Variants in CLEC1A observed in about 807,000 individuals in gnomAD.
CLEC1A encodes C-type lectin domain family 1 member A.
CLEC1A carries 34 observed loss-of-function variants against 28.7 expected under a neutral mutation model. The observed-to-expected ratio is 1.18, with a 90% CI of 0.90 to 1.57. The LOEUF is 1.57. Ranked by LOEUF, CLEC1A falls within the 40% of genes most tolerant of loss-of-function variation. The pLI is 0.00. For missense variants in CLEC1A, 385 were observed against 339.5 expected (o/e 1.13, Z -1.05); for synonymous variants, 116 against 121.0 (o/e 0.96, Z 0.27).
intron 3 of CLEC1A, among the ~76,000 whole-genome samples, chr12:10,078,815 C>G (rs1004445112): frequency 1.3e-5 from 2 of 152,114 alleles, no homozygotes; most frequent in African/African-American, 4.8e-5. Context: ...AAGCAGATCC[C>G]TTATGAACAG....
intron 1 of CLEC1A, among the ~76,000 whole-genome samples, chr12:10,096,747 T>C (rs1003546412): frequency 1.3e-5 from 2 of 152,132 alleles, no homozygotes; most frequent in African/African-American, 2.4e-5. Flanking sequence ...CCTTCATGAC[T>C]TTCCCTTCAT....
rs543681485 is a variant in CLEC1A, at chr12:10,082,459, T to C, written c.215-1046A>G. Among the ~76,000 whole-genome samples, 3 of 152,196 alleles carry C rather than the reference T, an allele frequency of 2.0e-5. No individual in the cohort carries two copies. In the South Asian group the frequency reaches 6.2e-4, roughly 32 times the overall value. ...CTGTATGACACAGCAGAGGCAGCCA[T>C]AAAATCCTGAGAACCAACCCCCATC... is the stretch of plus-strand genomic sequence containing the variant. On this transcript the variant is annotated intron_variant, in intron 2 of 5. Transcript: ENST00000315330.
chr12:10,089,278 G>T, intron 1 of CLEC1A, 56 bp from the exon 2 acceptor site: 1 of 1,394,082 alleles, frequency 7.2e-7, no homozygotes, highest in Non-Finnish European at 1.0e-6. Context: ...TTGCATCTAA[G>T]TCAATAACAG....
chr12:10,088,542 C>T (rs976523641), intron 2 of CLEC1A, among the ~76,000 whole-genome samples: 1 of 133,920 alleles, frequency 7.5e-6, no homozygotes, highest in African/African-American at 2.7e-5. Context: ...CCTACTGAGG[C>T]AAATTCATCC....
chr12:10,075,236 A>G (rs2055928301), intron 4 of CLEC1A, among the ~76,000 whole-genome samples: 1 of 152,250 alleles, frequency 6.6e-6, no homozygotes, highest in South Asian at 2.1e-4. Context: ...ACAGGAAAGA[A>G]GTTAAGACAT....
intron 4 of CLEC1A, 71 bp downstream of exon 4, chr12:10,075,433 G>T: frequency 6.6e-7 from 1 of 1,504,164 alleles, no homozygotes; most frequent in Non-Finnish European, 9.1e-7. Flanking sequence ...GATCCTTAGA[G>T]TCTTCTTGCC....
At chr12:10,091,888 T>C (rs1454278087) in intron 1 of CLEC1A, among the ~76,000 whole-genome samples, 2 of 152,210 alleles carry the variant, frequency 1.3e-5, no homozygotes, top group African/African-American at 4.8e-5. Flanking sequence ...TTAGCTTATA[T>C]GTGTCTTACT....
intron 1 of CLEC1A, among the ~76,000 whole-genome samples, chr12:10,090,228 G>C (rs1367970848): frequency 1.3e-5 from 2 of 152,138 alleles, no homozygotes; most frequent in African/African-American, 4.8e-5. Flanking sequence ...GGGGCTTTTT[G>C]AAAGGAAAAT....
chr12:10,098,682 A>G, intron 1 of CLEC1A, 126 bp downstream of exon 1: 1 of 620,238 alleles, frequency 1.6e-6, no homozygotes, highest in South Asian at 2.3e-5. Context: ...CTACTATGTC[A>G]CAGGGCGAGT....
In CLEC1A at chr12:10,098,945, G is replaced by T; in HGVS notation, c.-23C>A. 1 of 1,571,894 alleles carries T rather than the reference G, an allele frequency of 6.4e-7. No individual in the cohort carries two copies. The highest frequency in any genetic ancestry group is 8.7e-7 in the Non-Finnish European group (1 of 1,147,404). ...CATCTGGATTCCTACAGCGGTGAGAGTGAAATGTGGTCGGATTGCCCTGGG... is the reference window on the plus strand; with the variant it reads ...CATCTGGATTCCTACAGCGGTGAGATTGAAATGTGGTCGGATTGCCCTGGG... On this transcript the variant is annotated 5_prime_UTR_variant, in exon 1 of 6. Transcript: ENST00000315330.
At chr12:10,089,313 A>G (rs1252361519) in intron 1 of CLEC1A, 91 bp from the exon 2 acceptor site, 1 of 1,019,648 alleles carries the variant, frequency 9.8e-7, no homozygotes, top group Non-Finnish European at 1.5e-6. Context: ...TTAATTCTGC[A>G]CAAGAACAAA....
At chr12:10,083,469 TTTTC>T (rs907140398) in intron 2 of CLEC1A, among the ~76,000 whole-genome samples, 71 of 152,222 alleles carry the variant, frequency 4.7e-4, no homozygotes, top group Admixed American at 2.1e-3. Context: ...TTATTTATGG[TTTTC>T]TTTCTTTCTT....
At chr12:10,081,517 C>T (rs1866371267) in intron 2 of CLEC1A, 104 bp from the exon 3 acceptor site, 1 of 870,940 alleles carries the variant, frequency 1.1e-6, no homozygotes, top group Non-Finnish European at 1.7e-6. Flanking sequence ...GTATCTCAGG[C>T]TCTGAGTTCT....
intron 3 of CLEC1A, among the ~76,000 whole-genome samples, chr12:10,077,212 T>A (rs1221842739): frequency 6.6e-6 from 1 of 152,188 alleles, no homozygotes; most frequent in African/African-American, 2.4e-5. Flanking sequence ...GAAACTTCTT[T>A]ACTTTCTTAA....
intron 2 of CLEC1A, among the ~76,000 whole-genome samples, chr12:10,083,561 C>T (rs955102289): frequency 4.6e-5 from 7 of 152,280 alleles, no homozygotes; most frequent in South Asian, 2.1e-4. Context: ...CTGGATCTAC[C>T]TCCCAGGTTC....
intron 3 of CLEC1A, among the ~76,000 whole-genome samples, chr12:10,079,164 G>A (rs1866314394): frequency 6.6e-6 from 1 of 152,180 alleles, no homozygotes; most frequent in Non-Finnish European, 1.5e-5. Flanking sequence ...TGGTCCATGA[G>A]AGTAGACATC....
rs1187108877 is a variant in CLEC1A, at chr12:10,070,347, ATCAGTAC to A, written c.*979_*985del. 6.6e-6 allele frequency: 1 copy of A among 152,218 alleles called. No homozygotes were observed. The highest frequency in any genetic ancestry group is 2.4e-5 in the African/African-American group (1 of 41,442). The allele number at this position is 152,218 out of a possible 1,614,324, so 9.4% of individuals were successfully genotyped here. A position where few individuals can be genotyped will look rare whatever the true frequency, so the allele number is the denominator to read the frequency against. On this transcript the variant is annotated 3_prime_UTR_variant, in exon 6 of 6. Transcript: ENST00000315330. ...CTTATTTTCTCCAGATAATCATGTAATCAGTACTCTTGTAAATTCCCCAAAAACTTTC... is the reference window on the plus strand; with the variant it reads ...CTTATTTTCTCCAGATAATCATGTAATCTTGTAAATTCCCCAAAAACTTTC...
intron 3 of CLEC1A, among the ~76,000 whole-genome samples, chr12:10,077,482 G>A (rs1866276293): frequency 6.6e-6 from 1 of 151,934 alleles, no homozygotes; most frequent in African/African-American, 2.4e-5. Flanking sequence ...CGGAAAAACG[G>A]GTGGACTGAA....
intron 3 of CLEC1A, among the ~76,000 whole-genome samples, chr12:10,080,931 C>T (rs547265415): frequency 6.6e-6 from 1 of 152,290 alleles, no homozygotes; most frequent in African/African-American, 2.4e-5. Flanking sequence ...TTTGTAAGAA[C>T]ATTTGCCGAG....
Sources: allele counts gnomAD v4.1 joint callset (sites outside exome capture counted in the v4.1 genomes callset), GRCh38; gene constraint gnomAD v4.1.1; transcripts MANE v1.5; gene names NCBI Gene and HGNC (gene_info 2026-07-23, HGNC 2026-07-21).